CAPSL: variants seen among roughly 807,000 people sequenced by gnomAD.
The protein encoded by CAPSL is calcyphosine like, also known as calcyphosin-like protein.
CAPSL carries 17 observed loss-of-function variants against 21.3 expected under a neutral mutation model. The observed-to-expected ratio is 0.80, with a 90% CI of 0.55 to 1.20. CAPSL has a LOEUF of 1.20. CAPSL is among the 50% of genes most tolerant of loss of function. The probability of loss-of-function intolerance (pLI) is 0.00; values close to 1 mark genes in which losing one functional copy is unlikely to be tolerated. For synonymous variants in CAPSL, 102 were observed against 89.3 expected (o/e 1.14, Z -0.80); for missense variants, 289 against 259.3 (o/e 1.11, Z -0.79).
chr5:35,932,477 G>C (rs1371074819), intron 1 of CAPSL, among the ~76,000 whole-genome samples: 1 of 152,156 alleles, frequency 6.6e-6, no homozygotes, highest in Non-Finnish European at 1.5e-5. Context: ...AGCTCTTTCT[G>C]AAGTGGTTCC....
intron 2 of CAPSL, among the ~76,000 whole-genome samples, chr5:35,911,447 T>C (rs1017714197): frequency 6.6e-6 from 1 of 152,148 alleles, no homozygotes; most frequent in African/African-American, 2.4e-5. Context: ...TCCCTAAAAA[T>C]AATAAGCCCA....
At chr5:35,918,088 C>T (rs968772897) in intron 2 of CAPSL, among the ~76,000 whole-genome samples, 3 of 152,098 alleles carry the variant, frequency 2.0e-5, no homozygotes, top group African/African-American at 4.8e-5. Context: ...ACCATTTGAC[C>T]CCACAATCCC....
intron 3 of CAPSL, 130 bp from the exon 4 acceptor site, chr5:35,910,205 A>G: frequency 2.8e-6 from 3 of 1,076,706 alleles, no homozygotes; most frequent in Non-Finnish European, 4.0e-6. Context: ...TGTAATAGAC[A>G]CTACAATTGC....
chr5:35,928,406 A>C (rs696734), intron 1 of CAPSL, among the ~76,000 whole-genome samples: 3 of 152,000 alleles, frequency 2.0e-5, no homozygotes, highest in Admixed American at 6.5e-5. Flanking sequence ...GAAATTGAAG[A>C]CTCTGACAGT....
chr5:35,916,738 G>T (rs1472308978), intron 2 of CAPSL, among the ~76,000 whole-genome samples: 1 of 152,128 alleles, frequency 6.6e-6, no homozygotes, highest in African/African-American at 2.4e-5. Flanking sequence ...AGACTTACAT[G>T]TTAGACCTAA....
intron 1 of CAPSL, among the ~76,000 whole-genome samples, chr5:35,926,754 A>G (rs182889176): frequency 5.6e-4 from 86 of 152,344 alleles, no homozygotes; most frequent in Non-Finnish European, 6.9e-4. Context: ...AGGCAACCCT[A>G]GAGATCGTTG....
chr5:35,906,027 G>C (rs897082405), intron 4 of CAPSL, among the ~76,000 whole-genome samples: 1 of 152,154 alleles, frequency 6.6e-6, no homozygotes, highest in African/African-American at 2.4e-5. Flanking sequence ...GTTGCAGGCT[G>C]GTGAAATACT....
At chr5:35,919,170 A>AAAATATATATATAT (rs754098152) in intron 2 of CAPSL, among the ~76,000 whole-genome samples, 2 of 121,270 alleles carry the variant, frequency 1.6e-5, no homozygotes, top group Admixed American at 8.3e-5. Context: ...TAAAAAAAAA[A>AAAATATATATATAT]ATATATATAT....
At chr5:35,926,281 G>A (rs1055761897) in intron 1 of CAPSL, among the ~76,000 whole-genome samples, 1 of 152,162 alleles carries the variant, frequency 6.6e-6, no homozygotes, top group Non-Finnish European at 1.5e-5. Flanking sequence ...CGGACTCGGG[G>A]CTGGCATCCA....
Position 35,904,363 on chromosome 5 carries a change from A to C in CAPSL, c.*182T>G, listed in dbSNP as rs1760621198. The C allele has an allele frequency of 1.7e-6, 1 of 603,670 alleles. No individual in the cohort carries two copies. The highest frequency in any genetic ancestry group is 3.0e-6 in the Non-Finnish European group (1 of 338,790). 37.4% of individuals were successfully genotyped at this position (603,670 alleles called of 1,614,324 possible). A position where few individuals can be genotyped will look rare whatever the true frequency, so the allele number is the denominator to read the frequency against. On this transcript the variant is annotated 3_prime_UTR_variant, in exon 5 of 5. Coordinates refer to ENST00000651391, the MANE Select transcript of CAPSL (RefSeq NM_001042625.2). ...AAACAGTCTTAGGCAAGGCAAACTC[A>C]CAGTTGGCTACTCAATGTCTTTTAT... is the stretch of plus-strand genomic sequence containing the variant.
chr5:35,909,631 C>T (rs1232530885), intron 4 of CAPSL, among the ~76,000 whole-genome samples: 15 of 152,156 alleles, frequency 9.9e-5, no homozygotes. Flanking sequence ...CAATATATTT[C>T]AATATATGTC....
At chr5:35,938,017 G>A (rs1039457277) in intron 1 of CAPSL, among the ~76,000 whole-genome samples, 1 of 152,216 alleles carries the variant, frequency 6.6e-6, no homozygotes, top group African/African-American at 2.4e-5. Flanking sequence ...AACAAGCCAT[G>A]TATGTACACT....
intron 1 of CAPSL, among the ~76,000 whole-genome samples, chr5:35,925,868 G>T (rs574911573): frequency 1.3e-5 from 2 of 152,238 alleles, no homozygotes; most frequent in Non-Finnish European, 2.9e-5. Flanking sequence ...CCTGAGGTCA[G>T]GAGTTCAAGA....
chr5:35,914,776 A>G (rs1738327649), intron 2 of CAPSL, among the ~76,000 whole-genome samples: 1 of 152,232 alleles, frequency 6.6e-6, no homozygotes, highest in Admixed American at 6.5e-5. Context: ...TAAAATTGAC[A>G]CCCTAATGTC....
chr5:35,911,068 T>C (rs911878667), intron 2 of CAPSL, among the ~76,000 whole-genome samples: 8 of 152,214 alleles, frequency 5.3e-5, no homozygotes, highest in African/African-American at 1.9e-4. Flanking sequence ...AATAAAACTA[T>C]GCTGGATTAT....
rs1017234430 is a variant in CAPSL at position 35,938,554 on chromosome 5, C to A, written c.-14G>T. ...ACATTGATTTACCTTAAATGCTAAC[C>A]TTTTGCCACCAGTTGCTTCGAACTG... On this transcript the variant is annotated 5_prime_UTR_variant, in exon 1 of 5. In the 5' UTR this introduces an upstream ATG that the reference lacks. Coordinates refer to ENST00000651391, the MANE Select transcript of CAPSL (RefSeq NM_001042625.2). 2 of 153,008 alleles carry A rather than the reference C, an allele frequency of 1.3e-5. No individual in the cohort carries two copies. The highest frequency in any genetic ancestry group is 2.4e-5 in the African/African-American group (1 of 41,408). The allele number at this position is 153,008 out of a possible 1,614,324, so 9.5% of individuals were successfully genotyped here.
rs34779853 is a variant in CAPSL, at chr5:35,919,160, T to TAAAAAAA, written c.137+1817_137+1823dup. On this transcript the variant is annotated intron_variant, in intron 2 of 4. Transcript: ENST00000651391. The stretch of plus-strand genomic sequence containing the variant: ...CTGGTTAGCTAGTATCTTTCCTGAT[T>TAAAAAAA]AAAAAAAAAAATATATATATATATA... 1.3e-3 allele frequency among the ~76,000 whole-genome samples: 165 copies of TAAAAAAA among 129,178 alleles called. 2 individuals carry two copies. The East Asian group carries it at 0.026, about 20-fold the overall frequency. The allele number at this position is 129,178 out of a possible 152,430, so 84.7% of individuals were successfully genotyped here.
At chr5:35,919,719 C>G (rs1738486870) in intron 2 of CAPSL, among the ~76,000 whole-genome samples, 1 of 152,116 alleles carries the variant, frequency 6.6e-6, no homozygotes, top group Non-Finnish European at 1.5e-5. Flanking sequence ...GCAGCTTCCA[C>G]TTGAGTTAGG....
intron 4 of CAPSL, 184 bp downstream of exon 4, chr5:35,909,682 T>C: frequency 3.3e-6 from 2 of 603,884 alleles, no homozygotes; most frequent in Non-Finnish European, 2.9e-6. Context: ...AGGTTTCAAC[T>C]AAAGTAACAT....
Sources: gnomAD v4.1 joint callset for allele counts (sites outside exome capture counted in the v4.1 genomes callset) on GRCh38, gnomAD v4.1.1 for gene constraint, MANE v1.5 for transcripts, NCBI Gene and HGNC (gene_info 2026-07-23, HGNC 2026-07-21) for gene names.